NACC1: variants seen among roughly 807,000 people sequenced by gnomAD.
The protein encoded by NACC1 is nucleus accumbens associated 1.
Under a neutral mutation model 41.7 loss-of-function variants are expected in NACC1, and 6 were observed. The ratio of observed to expected loss-of-function variants is 0.14; its 90% CI spans 0.08 to 0.28. NACC1 has a LOEUF of 0.28. Ranked by LOEUF, NACC1 falls within the 10% of genes least tolerant of loss-of-function variation. NACC1 has a pLI of 1.00. For missense variants in NACC1, 434 were observed against 763.7 expected (o/e 0.57, Z 5.09); for synonymous variants, 338 against 330.6 (o/e 1.02, Z -0.24).
Position 13,137,138 on chromosome 19 carries a change from TC to T in NACC1, c.1121-130del. ...GTGGGTAGAGATGTAGGGGAGAAGG[TC>T]CCTGGGTGAGTTTTCTTGGGACCCA... On this transcript the variant is annotated intron_variant, in intron 3 of 5. Transcript: ENST00000292431. This position sits in a 1 kb window ranked among gnomAD's most constrained non-coding sequence, Gnocchi z 6.1. 1 of 790,410 alleles carries T rather than the reference TC, an allele frequency of 1.3e-6. No individual in the cohort carries two copies. Among genetic ancestry groups the T allele is most frequent in the Non-Finnish European group, 2.1e-6 (1 of 479,212 alleles). The allele number at this position is 790,410 out of a possible 1,614,324, so 49.0% of individuals were successfully genotyped here.
chr19:13,132,685 G>A (rs1291304624), intron 1 of NACC1, among the ~76,000 whole-genome samples: 1 of 152,158 alleles, frequency 6.6e-6, no homozygotes, highest in Non-Finnish European at 1.5e-5. Context: ...TGTCTTGCTT[G>A]TGGCCTGCCA....
In NACC1 at chr19:13,135,667, C is replaced by G; in HGVS notation, c.460C>G (p.Pro154Ala). 6.4e-7 allele frequency: 1 copy of G among 1,557,512 alleles called. No individual in the cohort carries two copies. Among genetic ancestry groups the G allele is most frequent in the Non-Finnish European group, 8.7e-7 (1 of 1,155,092 alleles). Residue 154 changes from proline to alanine, a missense_variant, in exon 2 of 6, where the codon CCA becomes GCA. Around this residue, in one of 4 missense-constraint regions of NACC1, gnomAD observed 234 missense variants for 308.3 expected, o/e 0.76. Transcript: ENST00000292431. Reference sequence around the variant, plus strand: ...CCCCGTGGCGCAGACATCGGGCTGGCCAGCCTGTAGCACCCCGCTGCCCCT... The same window carrying G: ...CCCCGTGGCGCAGACATCGGGCTGGGCAGCCTGTAGCACCCCGCTGCCCCT... ...QSPVAQTSGW[P>A]ACSTPLPLVS...
Position 13,138,581 on chromosome 19 carries a change from A to G in NACC1, c.*175A>G. On this transcript the variant is annotated 3_prime_UTR_variant, in exon 6 of 6. Transcript: ENST00000292431. The surrounding 1 kb of genome is among the most constrained non-coding windows in gnomAD (Gnocchi z 5.7). ...TTTCCCCACCGAGAGCTGGGCCGGG[A>G]GAGGACCGCAGGGCAGGTGGCGTGA... 1 of 945,626 alleles carries G rather than the reference A, an allele frequency of 1.1e-6. No individual in the cohort carries two copies. Among genetic ancestry groups the G allele is most frequent in the Non-Finnish European group, 1.5e-6 (1 of 649,096 alleles). 58.6% of individuals were successfully genotyped at this position (945,626 alleles called of 1,614,324 possible).
intron 1 of NACC1, 48 bp from the exon 2 acceptor site, chr19:13,135,152 C>G (rs1416941644): frequency 1.3e-6 from 2 of 1,488,166 alleles, no homozygotes; most frequent in Non-Finnish European, 1.8e-6. Context: ...GCCGCCTGAC[C>G]CCGTCCCTCC....
At chr19:13,122,076 G>A (rs1294061980) in intron 1 of NACC1, among the ~76,000 whole-genome samples, 1 of 152,298 alleles carries the variant, frequency 6.6e-6, no homozygotes, top group African/African-American at 2.4e-5. Context: ...GTGGGACTGG[G>A]CCTGCTTGCA....
intron 1 of NACC1, among the ~76,000 whole-genome samples, chr19:13,127,987 C>T (rs1273951683): frequency 6.6e-6 from 1 of 152,150 alleles, no homozygotes; most frequent in Non-Finnish European, 1.5e-5. Flanking sequence ...TGTAGGGGCC[C>T]AGGCAGTGTC....
Position 13,138,082 on chromosome 19 carries a change from G to A in NACC1, c.1325-65G>A. On this transcript the variant is annotated intron_variant, in intron 5 of 5. Transcript: ENST00000292431. The surrounding 1 kb of genome is among the most constrained non-coding windows in gnomAD (Gnocchi z 5.7). ...GAGTCGCAGATGCTGTAGGGGAGCT[G>A]GTGAGTAGGCCTTGTGGGAGTCACC... 1 of 1,584,382 alleles carries A rather than the reference G, an allele frequency of 6.3e-7. No individual in the cohort carries two copies.
At chr19:13,126,286 C>T (rs1052569355) in intron 1 of NACC1, among the ~76,000 whole-genome samples, 2 of 149,826 alleles carry the variant, frequency 1.3e-5, no homozygotes, top group Non-Finnish European at 3.0e-5. Context: ...CTCGTGACCT[C>T]GTGATCCGCC....
intron 1 of NACC1, among the ~76,000 whole-genome samples, chr19:13,122,852 G>A (rs953337282): frequency 1.6e-4 from 25 of 152,184 alleles, no homozygotes; most frequent in Non-Finnish European, 4.4e-5. Flanking sequence ...CACGGGGCCA[G>A]GGGATACGAC....
intron 1 of NACC1, among the ~76,000 whole-genome samples, chr19:13,127,211 T>C (rs1031898204): frequency 1.3e-5 from 2 of 151,028 alleles, no homozygotes; most frequent in African/African-American, 4.9e-5. Context: ...GGGAAGGGCT[T>C]TGTTGGTCAG....
chr19:13,127,368 A>AAATTTTTTTTT (rs2019576117), intron 1 of NACC1, among the ~76,000 whole-genome samples: 1 of 81,438 alleles, frequency 1.2e-5, no homozygotes, highest in South Asian at 3.3e-4. Context: ...ACATATACAT[A>AAATTTTTTTTT]TACTTTTTTT....
chr19:13,127,241 T>C (rs1209323393), intron 1 of NACC1, among the ~76,000 whole-genome samples: 1 of 143,848 alleles, frequency 7.0e-6, no homozygotes, highest in African/African-American at 2.6e-5. Flanking sequence ...CTCATGCCTA[T>C]AATCGCAGGG....
In NACC1 at chr19:13,138,593, G is replaced by A. The variant is rs535563037; in HGVS notation, c.*187G>A. 1.5e-3 allele frequency: 1,286 copies of A among 859,180 alleles called. 1 individual carries two copies. Among genetic ancestry groups the A allele is most frequent in the Admixed American group, 3.7e-3 (130 of 35,452 alleles). 53.2% of individuals were successfully genotyped at this position (859,180 alleles called of 1,614,324 possible). A position where few individuals can be genotyped will look rare whatever the true frequency, so the allele number is the denominator to read the frequency against. The stretch of plus-strand genomic sequence containing the variant: ...GAGCTGGGCCGGGAGAGGACCGCAG[G>A]GCAGGTGGCGTGAGGTCCGTGTTGC... On this transcript the variant is annotated 3_prime_UTR_variant, in exon 6 of 6. Transcript: ENST00000292431. This position sits in a 1 kb window ranked among gnomAD's most constrained non-coding sequence, Gnocchi z 5.7.
At chr19:13,127,871 G>C (rs979733810) in intron 1 of NACC1, among the ~76,000 whole-genome samples, 7 of 152,102 alleles carry the variant, frequency 4.6e-5, no homozygotes, top group Non-Finnish European at 8.8e-5. Flanking sequence ...TAGAGAAAGG[G>C]CTTTATGTGA....
In NACC1 at chr19:13,137,235, G is replaced by A. The variant is rs2019718877; in HGVS notation, c.1121-36G>A. 6 of 1,599,620 alleles carry A rather than the reference G, an allele frequency of 3.8e-6. No individual in the cohort carries two copies. The Admixed American group carries it at 1.0e-4, about 27-fold the overall frequency. ...ATCATGGGGGCTGTGGCGGTTTGGG[G>A]GCACCCCAGGCCATCCTCCGGCTTC... On this transcript the variant is annotated intron_variant, in intron 3 of 5. Coordinates refer to ENST00000292431, the MANE Select transcript of NACC1 (RefSeq NM_052876.4). The surrounding 1 kb of genome is among the most constrained non-coding windows in gnomAD (Gnocchi z 6.1).
rs1482577522 is a variant in NACC1 at position 13,141,104 on chromosome 19, A to G, written c.*2698A>G. Reference sequence around the variant, plus strand: ...GTTGGCAAATGTGAACCATGAGAATATCAGTGATACTGATGAGAATAAACT... The same window carrying G: ...GTTGGCAAATGTGAACCATGAGAATGTCAGTGATACTGATGAGAATAAACT... On this transcript the variant is annotated 3_prime_UTR_variant, in exon 6 of 6. Transcript: ENST00000292431. The G allele has an allele frequency of 1.3e-5, 2 of 152,600 alleles. No individual in the cohort carries two copies. The highest frequency in any genetic ancestry group is 2.9e-5 in the Non-Finnish European group (2 of 68,038). The allele number at this position is 152,600 out of a possible 1,614,324, so 9.5% of individuals were successfully genotyped here.
chr19:13,127,594 G>C, intron 1 of NACC1, among the ~76,000 whole-genome samples: 1 of 150,820 alleles, frequency 6.6e-6, no homozygotes, highest in Non-Finnish European at 1.5e-5. Flanking sequence ...AGGAGGCTGA[G>C]ACAGGAGAAT....
intron 1 of NACC1, among the ~76,000 whole-genome samples, chr19:13,121,641 A>G (rs2019495038): frequency 6.6e-6 from 1 of 152,104 alleles, no homozygotes; most frequent in Admixed American, 6.6e-5. Context: ...AGATTTCATC[A>G]GTGTCATTGC....
rs988251261 is a variant in NACC1 at position 13,140,624 on chromosome 19, G to A, written c.*2218G>A. On this transcript the variant is annotated 3_prime_UTR_variant, in exon 6 of 6. Transcript: ENST00000292431. The surrounding 1 kb of genome is among the most constrained non-coding windows in gnomAD (Gnocchi z 4.0). ...TCCCAGGACTGTGTGTGGGTCCGGG[G>A]GGTGGGGGGGTGGGGAGAAGGGTCG... is the stretch of plus-strand genomic sequence containing the variant. The A allele has an allele frequency of 6.6e-6, 1 of 151,788 alleles. No individual in the cohort carries two copies. The highest frequency in any genetic ancestry group is 2.1e-4 in the South Asian group (1 of 4,814). 9.4% of individuals were successfully genotyped at this position (151,788 alleles called of 1,614,324 possible). A position where few individuals can be genotyped will look rare whatever the true frequency, so the allele number is the denominator to read the frequency against.
Sources: allele counts gnomAD v4.1 joint callset (sites outside exome capture counted in the v4.1 genomes callset), GRCh38; gene constraint gnomAD v4.1.1; regional missense constraint gnomAD v4.1.1; non-coding constraint Gnocchi (gnomAD v3.1); transcripts MANE v1.5; gene names NCBI Gene and HGNC (gene_info 2026-07-23, HGNC 2026-07-21).